Variants in ZFAND3 observed in about 807,000 individuals in gnomAD.
ZFAND3 encodes the protein zinc finger AN1-type containing 3.
In ZFAND3, 10 loss-of-function variants were observed where a neutral mutation model predicts 29.6. The observed-to-expected ratio is 0.34, with a 90% CI of 0.21 to 0.57. The LOEUF (loss-of-function observed/expected upper bound fraction) is 0.57. Ranked by LOEUF, ZFAND3 falls within the 20% of genes least tolerant of loss-of-function variation. The pLI is 0.86. For synonymous variants in ZFAND3, 128 were observed against 112.6 expected, an observed-to-expected ratio of 1.14 and a Z score of -0.87; for missense variants, 230 against 304.5, an observed-to-expected ratio of 0.76 and a Z score of 1.82.
chr6:38,100,615 G>T (rs1437634501), intron 4 of ZFAND3, among the ~76,000 whole-genome samples: 1 of 152,150 alleles, frequency 6.6e-6, no homozygotes, highest in Non-Finnish European at 1.5e-5. Flanking sequence ...CTACAAACAT[G>T]TTGTCATGTA....
intron 2 of ZFAND3, among the ~76,000 whole-genome samples, chr6:38,051,569 T>A (rs1391759067): frequency 6.6e-6 from 1 of 152,206 alleles, no homozygotes; most frequent in East Asian, 1.9e-4. Context: ...GGATCAACTG[T>A]AAACAAAGAG....
At chr6:38,146,289 G>T (rs1766106504) in intron 5 of ZFAND3, among the ~76,000 whole-genome samples, 1 of 152,214 alleles carries the variant, frequency 6.6e-6, no homozygotes, top group Admixed American at 6.5e-5. Flanking sequence ...TGCTGTGGTT[G>T]GGCCTCCTCA....
rs1005809418 is a variant in ZFAND3, at chr6:37,891,565, G to A, written c.72-38394G>A. Among the ~76,000 whole-genome samples the A allele has an allele frequency of 6.6e-5, 10 of 150,530 alleles. 1 individual carries two copies. Among genetic ancestry groups the A allele is most frequent in the Admixed American group, 4.6e-4 (7 of 15,184 alleles). On this transcript the variant is annotated intron_variant, in intron 1 of 5. Transcript: ENST00000287218. ...AGTGAGCCGAGATCACACCACTGCTGCACTCCAGCCTGGGCTAAATAAATA... is the reference window on the plus strand; with the variant it reads ...AGTGAGCCGAGATCACACCACTGCTACACTCCAGCCTGGGCTAAATAAATA...
chr6:38,017,900 C>T (rs576660190), intron 2 of ZFAND3, among the ~76,000 whole-genome samples: 1 of 151,846 alleles, frequency 6.6e-6, no homozygotes, highest in Non-Finnish European at 1.5e-5. Flanking sequence ...GGGTATTGTC[C>T]CCTCCCCCAA....
At chr6:37,861,326 A>G (rs1048631347) in intron 1 of ZFAND3, among the ~76,000 whole-genome samples, 2 of 152,202 alleles carry the variant, frequency 1.3e-5, no homozygotes, top group Non-Finnish European at 2.9e-5. Context: ...AAAGGCTATC[A>G]TAGTGTTGTA....
chr6:37,858,896 A>T (rs1235877998), intron 1 of ZFAND3, among the ~76,000 whole-genome samples: 1 of 152,218 alleles, frequency 6.6e-6, no homozygotes, highest in East Asian at 1.9e-4. Flanking sequence ...CAGTAGCTGC[A>T]CTGCCATTTC....
chr6:38,046,507 A>G (rs1354917688), intron 2 of ZFAND3, among the ~76,000 whole-genome samples: 1 of 152,252 alleles, frequency 6.6e-6, no homozygotes, highest in Non-Finnish European at 1.5e-5. Flanking sequence ...CTTAAGTGAA[A>G]TTTAGACAAA....
At chr6:38,029,586 A>G (rs1278998039) in intron 2 of ZFAND3, among the ~76,000 whole-genome samples, 1 of 152,208 alleles carries the variant, frequency 6.6e-6, no homozygotes, top group Non-Finnish European at 1.5e-5. Flanking sequence ...TAGCCAAAAC[A>G]TATAAAGAAT....
chr6:38,144,197 AT>A lies in ZFAND3; in HGVS notation c.530-8037del, dbSNP rs1175489809. Among the ~76,000 whole-genome samples, 44 of 34,332 alleles carry A rather than the reference AT, an allele frequency of 1.3e-3. 1 individual carries two copies. The highest frequency in any genetic ancestry group is 5.2e-3 in the African/African-American group (30 of 5,738). 22.5% of individuals were successfully genotyped at this position (34,332 alleles called of 152,430 possible). On this transcript the variant is annotated intron_variant, in intron 5 of 5. Transcript: ENST00000287218. ...ATATATATATATAATATATATATAT[AT>A]ATATATATATATAATATATAATATA...
chr6:38,025,528 T>G (rs540975098), intron 2 of ZFAND3, among the ~76,000 whole-genome samples: 74 of 152,244 alleles, frequency 4.9e-4, no homozygotes, highest in Non-Finnish European at 9.3e-4. Flanking sequence ...TCCTTTTTTT[T>G]TGGTCTGTTT....
intron 4 of ZFAND3, among the ~76,000 whole-genome samples, chr6:38,091,337 C>T (rs1486734697): frequency 1.3e-5 from 2 of 151,602 alleles, no homozygotes; most frequent in Non-Finnish European, 2.9e-5. Context: ...AGGTTGCATT[C>T]TTACCAAGGA....
chr6:38,059,882 A>G (rs1278175830), intron 2 of ZFAND3, among the ~76,000 whole-genome samples: 1 of 152,188 alleles, frequency 6.6e-6, no homozygotes, highest in African/African-American at 2.4e-5. Context: ...TCTCAAGAAA[A>G]AAAGAAAATA....
At chr6:37,891,416 T>TCCCC (rs113061455) in intron 1 of ZFAND3, among the ~76,000 whole-genome samples, 2,998 of 115,422 alleles carry the variant, frequency 0.026, 126 homozygotes, top group African/African-American at 0.036. Context: ...GAGATTTCAG[T>TCCCC]CCCCCCCCCC....
At chr6:37,910,258 A>G (rs925825117) in intron 1 of ZFAND3, among the ~76,000 whole-genome samples, 23 of 152,184 alleles carry the variant, frequency 1.5e-4, no homozygotes, top group Non-Finnish European at 3.4e-4. Flanking sequence ...TAAAATGCAG[A>G]TAATACCAGT....
intron 4 of ZFAND3, among the ~76,000 whole-genome samples, chr6:38,090,190 C>G (rs372718157): frequency 6.6e-6 from 1 of 152,166 alleles, no homozygotes; most frequent in South Asian, 2.1e-4. Context: ...CTGTATAATT[C>G]ACTTTTCAAA....
At chr6:37,944,498 C>A (rs1232677110) in intron 2 of ZFAND3, among the ~76,000 whole-genome samples, 1 of 151,854 alleles carries the variant, frequency 6.6e-6, no homozygotes, top group Non-Finnish European at 1.5e-5. Flanking sequence ...GAGGAGGAGC[C>A]TAAAAAAAGA....
intron 1 of ZFAND3, among the ~76,000 whole-genome samples, chr6:37,903,875 T>C (rs1202049352): frequency 6.6e-6 from 1 of 152,198 alleles, no homozygotes; most frequent in African/African-American, 2.4e-5. Context: ...TTTTGTTCTG[T>C]GGATATTCTC....
chr6:38,120,576 T>G (rs1355637113), intron 5 of ZFAND3, among the ~76,000 whole-genome samples: 2 of 152,094 alleles, frequency 1.3e-5, no homozygotes, highest in African/African-American at 4.8e-5. Context: ...TCCACCTGCC[T>G]CGGCCTCCCA....
intron 2 of ZFAND3, among the ~76,000 whole-genome samples, chr6:38,041,649 C>T (rs1581863091): frequency 5.3e-5 from 1 of 18,778 alleles, no homozygotes; most frequent in Non-Finnish European, 9.7e-5. Context: ...TCTTCTTCTT[C>T]TTCTTCTTCT....
Sources: gnomAD v4.1 joint callset for allele counts (sites outside exome capture counted in the v4.1 genomes callset) on GRCh38, gnomAD v4.1.1 for gene constraint, MANE v1.5 for transcripts, NCBI Gene and HGNC (gene_info 2026-07-23, HGNC 2026-07-21) for gene names.